The following DNAJC6 variants were observed in gnomAD, a reference collection of about 807,000 sequenced individuals.
The protein encoded by DNAJC6 is DnaJ heat shock protein family (Hsp40) member C6.
Under a neutral mutation model 110.0 loss-of-function variants are expected in DNAJC6, and 34 were observed. That is an observed-to-expected ratio of 0.31 (90% CI 0.24 to 0.41). The LOEUF (loss-of-function observed/expected upper bound fraction) is 0.41, where lower values mean the gene tolerates loss of function less well. DNAJC6 is among the 10% of genes least tolerant of loss of function. The pLI, the probability that DNAJC6 is intolerant of heterozygous loss-of-function variation, is 1.00. For missense variants in DNAJC6, 1,031 were observed against 1,207.8 expected (o/e 0.85, Z 2.17); for synonymous variants, 406 against 437.2 (o/e 0.93, Z 0.89).
intron 1 of DNAJC6, among the ~76,000 whole-genome samples, chr1:65,311,273 G>A (rs1351782681): frequency 7.5e-6 from 1 of 133,364 alleles, no homozygotes; most frequent in Non-Finnish European, 1.5e-5. Context: ...TGCCCGGGCT[G>A]GAGTGCAGGG....
At chr1:65,300,004 C>T (rs963829597) in intron 1 of DNAJC6, among the ~76,000 whole-genome samples, 1 of 141,874 alleles carries the variant, frequency 7.0e-6, no homozygotes, top group Non-Finnish European at 1.5e-5. Flanking sequence ...TGCGCCACTG[C>T]ACTCCAGCCT....
At chr1:65,350,269 G>A (rs955829724) in intron 1 of DNAJC6, among the ~76,000 whole-genome samples, 8 of 151,938 alleles carry the variant, frequency 5.3e-5, no homozygotes, top group Admixed American at 2.6e-4. Context: ...TTGCAGTTTC[G>A]AATCTCCTGT....
At chr1:65,276,673 T>C (rs1391489666) in intron 1 of DNAJC6, among the ~76,000 whole-genome samples, 1 of 152,172 alleles carries the variant, frequency 6.6e-6, no homozygotes, top group Non-Finnish European at 1.5e-5. Flanking sequence ...AAAATGTTCA[T>C]TGTGCTTTTC....
rs1557535089 is a variant in DNAJC6, at chr1:65,349,126, AT to A, written c.194-15508del. ...TAAATAAATATGTAAATATATATAT[AT>A]AAATATATATGTAAATATATATATT... On this transcript the variant is annotated intron_variant, in intron 1 of 18. Coordinates refer to ENST00000371069, the MANE Select transcript of DNAJC6 (RefSeq NM_001256864.2). 8.9e-5 allele frequency among the ~76,000 whole-genome samples: 13 copies of A among 145,932 alleles called. No individual in the cohort carries two copies. The South Asian group carries it at 1.1e-3, about 12-fold the overall frequency.
chr1:65,281,973 C>T (rs1653867879), intron 1 of DNAJC6, among the ~76,000 whole-genome samples: 1 of 152,190 alleles, frequency 6.6e-6, no homozygotes, highest in African/African-American at 2.4e-5. Flanking sequence ...GTCACCAGGG[C>T]TGGAGTGCAG....
intron 1 of DNAJC6, among the ~76,000 whole-genome samples, chr1:65,324,984 T>TCAA (rs1645229309): frequency 6.6e-6 from 1 of 152,222 alleles, no homozygotes; most frequent in Non-Finnish European, 1.5e-5. Flanking sequence ...GAAGTATGCA[T>TCAA]CTATGGACTC....
At chr1:65,329,459 C>A (rs1015322789) in intron 1 of DNAJC6, among the ~76,000 whole-genome samples, 7 of 151,834 alleles carry the variant, frequency 4.6e-5, no homozygotes, top group African/African-American at 1.2e-4. Flanking sequence ...TAAAACATAA[C>A]TTGAAGTATA....
At position 65,343,286 on chromosome 1, in the gene DNAJC6, C is replaced by T. The variant is rs34869008; in HGVS notation, c.194-21349C>T. On this transcript the variant is annotated intron_variant, in intron 1 of 18. Transcript: ENST00000371069. ...GATTTATGCATATAATTTTTTTGTC[C>T]GAAGAGCAGATGGAACCACACAGAC... is the stretch of plus-strand genomic sequence containing the variant. Among the ~76,000 whole-genome samples the T allele has an allele frequency of 2.7e-4, 41 of 152,052 alleles. 1 individual carries two copies. Among genetic ancestry groups the T allele is most frequent in the African/African-American group, 9.9e-4 (41 of 41,458 alleles).
At chr1:65,387,941 G>A (rs1645888079) in intron 8 of DNAJC6, among the ~76,000 whole-genome samples, 1 of 152,190 alleles carries the variant, frequency 6.6e-6, no homozygotes, top group Admixed American at 6.5e-5. Flanking sequence ...GGGAGGATGA[G>A]GTGTTATAAT....
At chr1:65,388,302 T>A in intron 8 of DNAJC6, 34 bp from the exon 9 acceptor site, 1 of 1,574,526 alleles carries the variant, frequency 6.4e-7, no homozygotes, top group Non-Finnish European at 8.7e-7. Context: ...TTTTCGCTGA[T>A]TGATTGTAAT....
intron 13 of DNAJC6, among the ~76,000 whole-genome samples, chr1:65,397,019 G>A (rs1283965397): frequency 6.6e-6 from 1 of 152,120 alleles, no homozygotes. Context: ...CAGCTTGGCA[G>A]TTTTGGATCC....
intron 4 of DNAJC6, among the ~76,000 whole-genome samples, chr1:65,371,278 C>T (rs1442684687): frequency 2.0e-5 from 3 of 152,174 alleles, no homozygotes; most frequent in Non-Finnish European, 4.4e-5. Context: ...AGGTTCACAT[C>T]TCAGCTGTTC....
chr1:65,280,421 C>T (rs1273941537), intron 1 of DNAJC6, among the ~76,000 whole-genome samples: 1 of 151,958 alleles, frequency 6.6e-6, no homozygotes, highest in African/African-American at 2.4e-5. Context: ...ATAACTGGGC[C>T]TTCAGTTATT....
chr1:65,372,454 C>T (rs1645716285), intron 4 of DNAJC6, among the ~76,000 whole-genome samples: 1 of 151,984 alleles, frequency 6.6e-6, no homozygotes, highest in Admixed American at 6.6e-5. Context: ...ACTGGGGTTA[C>T]AAAAATGAGT....
chr1:65,375,526 C>T (rs896861386), intron 4 of DNAJC6, among the ~76,000 whole-genome samples: 2 of 151,760 alleles, frequency 1.3e-5, no homozygotes, highest in South Asian at 2.1e-4. Flanking sequence ...CATGGGTTCA[C>T]GCCATTCTTC....
At chr1:65,410,449 C>T (rs576412197) in intron 17 of DNAJC6, among the ~76,000 whole-genome samples, 4 of 152,236 alleles carry the variant, frequency 2.6e-5, no homozygotes, top group South Asian at 2.1e-4. Context: ...TAGGCAAATT[C>T]GGACAGTTTC....
In DNAJC6 at chr1:65,283,415, C is replaced by G. The variant is rs932499427; in HGVS notation, c.-131+18483C>G. On this transcript the variant is annotated intron_variant, in intron 1 of 19. Transcript: ENST00000263441. ...ACCATGAAGGTATCCCCAAGATTGC[C>G]TTTTTTTTACTCAGCATAATTTCCC... 1.9e-4 allele frequency among the ~76,000 whole-genome samples: 29 copies of G among 152,066 alleles called. No homozygotes were observed. The East Asian group carries it at 5.0e-3, about 26-fold the overall frequency.
chr1:65,319,800 C>T (rs999897279), intron 1 of DNAJC6, among the ~76,000 whole-genome samples: 1 of 152,112 alleles, frequency 6.6e-6, no homozygotes, highest in Non-Finnish European at 1.5e-5. Context: ...TCTTCCTCTT[C>T]TGCAGTCTTT....
intron 1 of DNAJC6, among the ~76,000 whole-genome samples, chr1:65,318,705 A>T (rs1397144077): frequency 6.6e-6 from 1 of 151,980 alleles, no homozygotes; most frequent in Non-Finnish European, 1.5e-5. Flanking sequence ...TTGTCAGGGC[A>T]TGGGTGGGGC....
Sources: gnomAD v4.1 joint callset for allele counts (sites outside exome capture counted in the v4.1 genomes callset) on GRCh38, gnomAD v4.1.1 for gene constraint, MANE v1.5 for transcripts, NCBI Gene and HGNC (gene_info 2026-07-23, HGNC 2026-07-21) for gene names.